The following APPL2 variants were observed in gnomAD, a reference collection of about 807,000 sequenced individuals.
APPL2 encodes adaptor protein, phosphotyrosine interacting with PH domain and leucine zipper 2.
APPL2 carries 84 observed loss-of-function variants against 92.7 expected under a neutral mutation model. The observed-to-expected ratio is 0.91, with a 90% CI of 0.76 to 1.09. The LOEUF is 1.09. APPL2 is among the 50% of genes least tolerant of loss of function. The pLI is 0.00. For missense variants in APPL2, 736 were observed against 824.5 expected (o/e 0.89, Z 1.31); for synonymous variants, 291 against 291.0 (o/e 1.00, Z 0.00).
chr12:105,217,338 C>T (rs781634672), intron 3 of APPL2, among the ~76,000 whole-genome samples, 198 bp from the exon 4 acceptor site: 3 of 152,208 alleles, frequency 2.0e-5, no homozygotes, highest in African/African-American at 7.2e-5. Flanking sequence ...TCTGACCCTC[C>T]CTGGCCATTC....
chr12:105,202,121 A>G (rs1422451175), intron 9 of APPL2, among the ~76,000 whole-genome samples: 1 of 152,356 alleles, frequency 6.6e-6, no homozygotes, highest in Middle Eastern at 3.4e-3. Context: ...TACTTTAGCT[A>G]TCTGAATCAA....
intron 14 of APPL2, among the ~76,000 whole-genome samples, chr12:105,194,837 CTG>C (rs1387586725): frequency 2.0e-5 from 3 of 151,412 alleles, no homozygotes; most frequent in Middle Eastern, 3.4e-3. Flanking sequence ...AAAACTATCA[CTG>C]TATGTTCAGA....
rs763595710 is a variant in APPL2, at chr12:105,197,899, G to A, written c.918C>T (p.Gly306=). The A allele has an allele frequency of 2.2e-5, 35 of 1,613,986 alleles. No individual in the cohort carries two copies. Among genetic ancestry groups the A allele is most frequent in the Admixed American group, 3.3e-5 (2 of 59,992 alleles). The change falls in exon 11 of 21, where the codon GGC becomes GGT. Residue 306 remains glycine, a synonymous_variant. Coordinates refer to ENST00000258530, the MANE Select transcript of APPL2 (RefSeq NM_018171.5). ...TWERLYFFTQ[G]GNLMCQPRGA... is the part of the protein sequence containing the mutation. The stretch of plus-strand genomic sequence containing the variant: ...CCCTGGGCTGACACATGAGATTCCC[G>A]CCTTGGGTGAAGAAATAAAGCCTCT...
rs761410163 is a variant in APPL2 at position 105,207,199 on chromosome 12, G to A, written c.483C>T (p.Thr161=). The A allele has an allele frequency of 5.0e-6, 8 of 1,612,592 alleles. No individual in the cohort carries two copies. Among genetic ancestry groups the A allele is most frequent in the South Asian group, 1.1e-5 (1 of 90,790 alleles). The change falls in exon 8 of 21, where the codon ACC becomes ACT. Residue 161 remains threonine, a synonymous_variant. Transcript: ENST00000258530. ...CCGCGGCCACCTCTTTTCCGACTTC[G>A]GTCTTCACCTGGTTAAAAGGTGAAA... is the stretch of plus-strand genomic sequence containing the variant. ...PKKKENEKVK[T]EVGKEVAAAR... is the part of the protein sequence containing the mutation.
Position 105,217,658 on chromosome 12 carries a change from C to A in APPL2, c.213+8G>T, listed in dbSNP as rs1325688385. ...GCAGCATCACAGGCCACATAAATAC[C>A]AAGTTACCTGTTTTTCATATGCCAG... On this transcript the variant is annotated splice_region_variant and intron_variant, in intron 3 of 20. Transcript: ENST00000258530. The A allele has an allele frequency of 6.2e-7, 1 of 1,613,688 alleles. No homozygotes were observed. The highest frequency in any genetic ancestry group is 1.3e-5 in the African/African-American group (1 of 74,894).
At chr12:105,234,918 A>C (rs1415673711) in intron 1 of APPL2, among the ~76,000 whole-genome samples, 1 of 152,180 alleles carries the variant, frequency 6.6e-6, no homozygotes, top group Non-Finnish European at 1.5e-5. Flanking sequence ...ATCACAAAAA[A>C]TGAACAAAAG....
intron 17 of APPL2, among the ~76,000 whole-genome samples, chr12:105,184,753 C>T (rs549986015): frequency 6.6e-6 from 1 of 152,356 alleles, no homozygotes; most frequent in African/African-American, 2.4e-5. Context: ...CTTGAGGAGG[C>T]AGTCTGTCCC....
intron 14 of APPL2, among the ~76,000 whole-genome samples, chr12:105,190,718 C>T (rs889541688): frequency 6.6e-6 from 1 of 152,210 alleles, no homozygotes; most frequent in African/African-American, 2.4e-5. Context: ...GCCGGCACCC[C>T]GCCTCCCTCC....
chr12:105,229,025 G>A (rs1890725630), intron 2 of APPL2, 100 bp downstream of exon 2: 1 of 1,003,654 alleles, frequency 1.0e-6, no homozygotes, highest in Non-Finnish European at 1.5e-6. Flanking sequence ...AATCTTAAAT[G>A]ATGTTTTTCG....
intron 1 of APPL2, among the ~76,000 whole-genome samples, chr12:105,234,796 GA>G (rs201071557): frequency 0.024 from 3,514 of 146,090 alleles, 116 homozygotes; most frequent in African/African-American, 0.069. Flanking sequence ...ATAAAAAAGG[GA>G]GGCCTTGAAA....
rs377184900 is a variant in APPL2 at position 105,188,403 on chromosome 12, T to C, written c.1504A>G (p.Met502Val). 1.9e-5 allele frequency: 30 copies of C among 1,614,074 alleles called. No homozygotes were observed. Among genetic ancestry groups the C allele is most frequent in the Non-Finnish European group, 2.5e-5 (29 of 1,180,014 alleles). Reference protein sequence around the residue: ...QMFIVRFLGSMAVKTDSTTEV... With the variant: ...QMFIVRFLGSVAVKTDSTTEV... ...GTAGTGCTGTCTGTTTTAACTGCCA[T>C]TGATCCCAAAAACCGAACTATAAAC... is the stretch of plus-strand genomic sequence containing the variant. Residue 502 changes from methionine to valine, a missense_variant, in exon 17 of 21, where the codon ATG (methionine) becomes GTG (valine). Transcript: ENST00000258530.
rs1886280821 is a variant in APPL2, at chr12:105,183,155, CA to C, written c.1634+5117del. Among the ~76,000 whole-genome samples the C allele has an allele frequency of 2.0e-5, 3 of 147,272 alleles. No individual in the cohort carries two copies. In the Admixed American group the frequency reaches 2.1e-4, roughly 10 times the overall value. ...TATTTTGAGCCTATGTGTGTCTCTG[CA>C]CATGAGATGGGTCTCCTGAATACAG... On this transcript the variant is annotated intron_variant, in intron 17 of 20. Coordinates refer to ENST00000258530, the MANE Select transcript of APPL2 (RefSeq NM_018171.5).
chr12:105,230,353 C>G (rs1018220477), intron 1 of APPL2, among the ~76,000 whole-genome samples: 1 of 152,064 alleles, frequency 6.6e-6, no homozygotes, highest in Non-Finnish European at 1.5e-5. Context: ...GGATGGTGTA[C>G]GAACAAGAAT....
At chr12:105,220,869 G>A (rs1024468550) in intron 2 of APPL2, among the ~76,000 whole-genome samples, 2 of 152,242 alleles carry the variant, frequency 1.3e-5, no homozygotes, top group African/African-American at 4.8e-5. Flanking sequence ...CTTCCAAAAC[G>A]ACTTCGAACA....
At chr12:105,176,241 A>T (rs1169205676) in intron 19 of APPL2, 159 bp from the exon 20 acceptor site, 1 of 616,374 alleles carries the variant, frequency 1.6e-6, no homozygotes, top group East Asian at 3.2e-5. Flanking sequence ...GGCCCGGGGC[A>T]TTTGCGTCCA....
intron 16 of APPL2, among the ~76,000 whole-genome samples, chr12:105,189,354 A>G (rs1886999765): frequency 6.6e-6 from 1 of 152,220 alleles, no homozygotes; most frequent in African/African-American, 2.4e-5. Context: ...TAAGTACATT[A>G]TAAGAATGTA....
At chr12:105,220,207 AGAG>A (rs965747583) in intron 2 of APPL2, among the ~76,000 whole-genome samples, 13 of 152,200 alleles carry the variant, frequency 8.5e-5, no homozygotes, top group African/African-American at 2.7e-4. Context: ...ACAAGGCAGG[AGAG>A]GAGAAGGCCT....
chr12:105,182,585 C>A lies in APPL2; in HGVS notation c.1635-5323G>T, dbSNP rs555429547. On this transcript the variant is annotated intron_variant, in intron 17 of 20. Coordinates refer to ENST00000258530, the MANE Select transcript of APPL2 (RefSeq NM_018171.5). Reference sequence around the variant, plus strand: ...GCAGTTTTGAATGACTTTCTTAATCCAGAGTTCTAATTTGATTGCACTGTG... The same window carrying A: ...GCAGTTTTGAATGACTTTCTTAATCAAGAGTTCTAATTTGATTGCACTGTG... Among the ~76,000 whole-genome samples, 5 of 152,302 alleles carry A rather than the reference C, an allele frequency of 3.3e-5. No homozygotes were observed. In the South Asian group the frequency reaches 1.0e-3, roughly 32 times the overall value.
At position 105,177,006 on chromosome 12, in the gene APPL2, G is replaced by C. The variant is rs1566045159; in HGVS notation, c.1682C>G (p.Thr561Ser). 3.7e-6 allele frequency: 6 copies of C among 1,614,034 alleles called. No homozygotes were observed. Among genetic ancestry groups the C allele is most frequent in the Non-Finnish European group, 5.1e-6 (6 of 1,179,988 alleles). Residue 561 changes from threonine (T) to serine (S), a missense_variant, in exon 19 of 21, where the codon ACC becomes AGC. By Grantham distance (58) the Thr-to-Ser change is moderately conservative. Transcript: ENST00000258530. ...TQVSRANFELTSVTQFAAHQE... is the reference protein window; with the variant it reads ...TQVSRANFELSSVTQFAAHQE... ...ATGAGCAGCAAATTGTGTGACACTG[G>C]TAAGTTCAAACTGGGGGGTGGAAAA... is the stretch of plus-strand genomic sequence containing the variant.
Sources: gnomAD v4.1 joint callset for allele counts (sites outside exome capture counted in the v4.1 genomes callset) on GRCh38, gnomAD v4.1.1 for gene constraint, MANE v1.5 for transcripts, NCBI Gene and HGNC (gene_info 2026-07-23, HGNC 2026-07-21) for gene names.